MEIS1: variants seen among roughly 807,000 people sequenced by gnomAD.
MEIS1 encodes Meis homeobox 1, also known as homeobox protein Meis1.
In MEIS1, 5 loss-of-function variants were observed where a neutral mutation model predicts 50.8. The ratio of observed to expected loss-of-function variants is 0.10; its 90% CI spans 0.05 to 0.21. MEIS1 has a LOEUF of 0.21. Among genes scored for constraint, MEIS1 ranks in the 10% least tolerant of loss-of-function variants. The pLI is 1.00. For synonymous variants in MEIS1, 176 were observed against 179.3 expected (o/e 0.98, Z 0.15); for missense variants, 318 against 517.3 (o/e 0.61, Z 3.74).
Position 66,571,660 on chromosome 2 carries a change from T to C in MEIS1, c.*452T>C. 1 of 1,081,390 alleles carries C rather than the reference T, an allele frequency of 9.2e-7. No individual in the cohort carries two copies. The allele number at this position is 1,081,390 out of a possible 1,614,324, so 67.0% of individuals were successfully genotyped here. ...ATCCCTAATTCTTCATAGGGACCTT[T>C]AAAAAGCAGGAAATACCAACTGAAG... is the stretch of plus-strand genomic sequence containing the variant. On this transcript the variant is annotated 3_prime_UTR_variant, in exon 13 of 13. Transcript: ENST00000272369.
chr2:66,470,731 A>T (rs183940948), intron 7 of MEIS1, among the ~76,000 whole-genome samples: 11 of 152,308 alleles, frequency 7.2e-5, no homozygotes, highest in Non-Finnish European at 5.9e-5. Flanking sequence ...ATTTGAAATT[A>T]TTTACAGCCG....
At chr2:66,510,478 G>A (rs1039591862) in intron 7 of MEIS1, among the ~76,000 whole-genome samples, 1 of 152,062 alleles carries the variant, frequency 6.6e-6, no homozygotes, top group African/African-American at 2.4e-5. Flanking sequence ...GTGAACACAA[G>A]ATATGTTTCT....
At chr2:66,521,519 A>G (rs1452278114) in intron 8 of MEIS1, among the ~76,000 whole-genome samples, 1 of 152,234 alleles carries the variant, frequency 6.6e-6, no homozygotes, top group Non-Finnish European at 1.5e-5. Context: ...ACCCAGGAGA[A>G]TTAAGCTGCC....
chr2:66,508,139 C>G (rs1415134112), intron 7 of MEIS1, among the ~76,000 whole-genome samples: 1 of 152,168 alleles, frequency 6.6e-6, no homozygotes, highest in East Asian at 1.9e-4. Flanking sequence ...AAAGTGTGGC[C>G]AAGATTCTCC....
intron 6 of MEIS1, among the ~76,000 whole-genome samples, chr2:66,461,321 G>A (rs1475163873): frequency 6.6e-6 from 1 of 152,038 alleles, no homozygotes; most frequent in Non-Finnish European, 1.5e-5. Context: ...TTCTGATTAG[G>A]GCTGTCTTAC....
chr2:66,456,742 G>A (rs1442068940), intron 6 of MEIS1, among the ~76,000 whole-genome samples: 2 of 152,258 alleles, frequency 1.3e-5, no homozygotes, highest in Non-Finnish European at 2.9e-5. Flanking sequence ...GGTGGAGAAA[G>A]TGGATAAAGT....
chr2:66,519,631 C>A (rs1174078620), intron 8 of MEIS1, among the ~76,000 whole-genome samples: 1 of 152,124 alleles, frequency 6.6e-6, no homozygotes, highest in Admixed American at 6.5e-5. Flanking sequence ...ATTGCCATTG[C>A]AAAACGCCTT....
At chr2:66,513,929 A>G (rs1181095871) in intron 8 of MEIS1, among the ~76,000 whole-genome samples, 1 of 152,158 alleles carries the variant, frequency 6.6e-6, no homozygotes, top group African/African-American at 2.4e-5. Flanking sequence ...AACGAATGAT[A>G]TGACATTTAG....
intron 9 of MEIS1, among the ~76,000 whole-genome samples, chr2:66,561,916 C>T (rs1163836233): frequency 6.6e-6 from 1 of 151,944 alleles, no homozygotes; most frequent in African/African-American, 2.4e-5. Flanking sequence ...TTGGCTGTGG[C>T]ATGCTAACAT....
chr2:66,495,095 T>C (rs1353452176), intron 7 of MEIS1, among the ~76,000 whole-genome samples: 57 of 149,168 alleles, frequency 3.8e-4, no homozygotes, highest in African/African-American at 1.4e-3. Context: ...TTTTTTTTTT[T>C]TTTTTTTTTT....
intron 6 of MEIS1, among the ~76,000 whole-genome samples, chr2:66,456,232 TTA>T (rs1491238703): frequency 1.4e-4 from 9 of 64,224 alleles, no homozygotes; most frequent in Non-Finnish European, 2.1e-4. Context: ...CATATGATTT[TTA>T]TACACACACA....
intron 8 of MEIS1, among the ~76,000 whole-genome samples, chr2:66,519,715 A>AC (rs1674065694): frequency 6.6e-6 from 1 of 152,146 alleles, no homozygotes; most frequent in African/African-American, 2.4e-5. Context: ...GAAAAGGTAG[A>AC]CCTTAAATAA....
At chr2:66,560,930 G>A (rs1675198325) in intron 9 of MEIS1, among the ~76,000 whole-genome samples, 1 of 152,088 alleles carries the variant, frequency 6.6e-6, no homozygotes, top group African/African-American at 2.4e-5. Context: ...AGAAAAAGGT[G>A]CCAAAAACAT....
At chr2:66,487,074 A>G (rs1238251243) in intron 7 of MEIS1, among the ~76,000 whole-genome samples, 1 of 152,150 alleles carries the variant, frequency 6.6e-6, no homozygotes, top group Non-Finnish European at 1.5e-5. Flanking sequence ...TTCCTATTTG[A>G]ATACCCTTTA....
At chr2:66,542,191 C>A (rs1270949114) in intron 8 of MEIS1, among the ~76,000 whole-genome samples, 1 of 152,078 alleles carries the variant, frequency 6.6e-6, no homozygotes, top group Non-Finnish European at 1.5e-5. Flanking sequence ...TGGTTATTTT[C>A]ATTTAGATCC....
intron 9 of MEIS1, among the ~76,000 whole-genome samples, chr2:66,553,290 A>G (rs1372261557): frequency 1.3e-5 from 2 of 152,360 alleles, no homozygotes; most frequent in East Asian, 3.9e-4. Flanking sequence ...GGTGCGGTAT[A>G]TTAAAAAGAA....
At chr2:66,490,597 T>C (rs1177087615) in intron 7 of MEIS1, among the ~76,000 whole-genome samples, 1 of 152,148 alleles carries the variant, frequency 6.6e-6, no homozygotes, top group African/African-American at 2.4e-5. Context: ...GACCTTTCTT[T>C]TTTTCTTTCT....
At chr2:66,509,778 C>T (rs1292147519) in intron 7 of MEIS1, among the ~76,000 whole-genome samples, 4 of 152,212 alleles carry the variant, frequency 2.6e-5, no homozygotes, top group African/African-American at 9.6e-5. Flanking sequence ...TTCAGGAATT[C>T]TTTTGCCTGA....
At chr2:66,435,949 C>CT (rs1297091451) in intron 1 of MEIS1, 81 bp downstream of exon 1, 19 of 1,282,636 alleles carry the variant, frequency 1.5e-5, no homozygotes, top group Middle Eastern at 1.9e-4. Context: ...AAAAAGTTTC[C>CT]TTTTTTTCTC....
Sources: allele counts gnomAD v4.1 joint callset (sites outside exome capture counted in the v4.1 genomes callset), GRCh38; gene constraint gnomAD v4.1.1; transcripts MANE v1.5; gene names NCBI Gene and HGNC (gene_info 2026-07-23, HGNC 2026-07-21).